MLLT3: variants seen among roughly 807,000 people sequenced by gnomAD.
The protein encoded by MLLT3 is MLLT3 super elongation complex subunit.
A neutral mutation model predicts 53.2 loss-of-function variants in MLLT3; 4 were observed. That is an observed-to-expected ratio of 0.08 (90% CI 0.04 to 0.17). The LOEUF (loss-of-function observed/expected upper bound fraction) is 0.17, where lower values mean the gene tolerates loss of function less well. Among genes scored for constraint, MLLT3 ranks in the 10% least tolerant of loss-of-function variants. The probability of loss-of-function intolerance (pLI) is 1.00; values close to 1 mark genes in which losing one functional copy is unlikely to be tolerated. For missense variants in MLLT3, 569 were observed against 684.0 expected (o/e 0.83, Z 1.87); for synonymous variants, 283 against 230.6 (o/e 1.23, Z -2.06).
rs138694610 is a variant in MLLT3, at chr9:20,483,132, T to C, written c.194-26346A>G. The stretch of plus-strand genomic sequence containing the variant: ...TGAATCATTTCAGACTCTTAAAAGC[T>C]AACTAGAAATCCCACACCCAGTAAT... On this transcript the variant is annotated intron_variant, in intron 2 of 10. Coordinates refer to ENST00000380338, the MANE Select transcript of MLLT3 (RefSeq NM_004529.4). Among the ~76,000 whole-genome samples the C allele has an allele frequency of 4.5e-3, 678 of 152,230 alleles. 2 individuals are homozygous for C. The highest frequency in any genetic ancestry group is 0.015 in the African/African-American group (634 of 41,538).
chr9:20,459,709 A>G (rs1182244328), intron 2 of MLLT3, among the ~76,000 whole-genome samples: 2 of 152,184 alleles, frequency 1.3e-5, no homozygotes, highest in Non-Finnish European at 2.9e-5. Context: ...TTATCGTTGA[A>G]TATCTTTGGA....
At position 20,384,098 on chromosome 9, in the gene MLLT3, T is replaced by A. The variant is rs1156987155; in HGVS notation, c.1126-18354A>T. Among the ~76,000 whole-genome samples the A allele has an allele frequency of 3.9e-5, 6 of 152,034 alleles. No homozygotes were observed. In the East Asian group the frequency reaches 1.2e-3, roughly 29 times the overall value. ...GATCCACTTAAAGAAAATAATAATA[T>A]CATGATACTGTTCTTAACAGTTCAT... On this transcript the variant is annotated intron_variant, in intron 5 of 10. Coordinates refer to ENST00000380338, the MANE Select transcript of MLLT3 (RefSeq NM_004529.4).
intron 4 of MLLT3, among the ~76,000 whole-genome samples, chr9:20,445,200 A>G (rs1823663841): frequency 1.3e-5 from 2 of 152,178 alleles, no homozygotes; most frequent in South Asian, 2.1e-4. Flanking sequence ...ACGGTCCTAT[A>G]AAGTAAATCA....
intron 2 of MLLT3, among the ~76,000 whole-genome samples, chr9:20,508,247 C>T (rs1476105580): frequency 6.6e-6 from 1 of 152,112 alleles, no homozygotes; most frequent in Non-Finnish European, 1.5e-5. Context: ...ACAACAGATC[C>T]ATTCCCTTAC....
At position 20,620,511 on chromosome 9, in the gene MLLT3, C is replaced by T; in HGVS notation, c.193+143G>A. ...GGCAGGCGGGAGCCGGGACCTGGCC[C>T]GCGCGGCGCCGCGCACCCGGATCCC... On this transcript the variant is annotated intron_variant, in intron 2 of 10. Coordinates refer to ENST00000380338, the MANE Select transcript of MLLT3 (RefSeq NM_004529.4). This position sits in a 1 kb window ranked among gnomAD's most constrained non-coding sequence, Gnocchi z 6.1. 2.1e-6 allele frequency: 1 copy of T among 468,828 alleles called. No individual in the cohort carries two copies. Among genetic ancestry groups the T allele is most frequent in the Non-Finnish European group, 3.1e-6 (1 of 322,516 alleles). 29.0% of individuals were successfully genotyped at this position (468,828 alleles called of 1,614,324 possible). A position where few individuals can be genotyped will look rare whatever the true frequency, so the allele number is the denominator to read the frequency against.
chr9:20,347,651 T>G (rs547699506), intron 10 of MLLT3, among the ~76,000 whole-genome samples: 8 of 152,272 alleles, frequency 5.3e-5, no homozygotes, highest in Non-Finnish European at 7.4e-5. Flanking sequence ...ATCTGGGCAG[T>G]GTATTGGGCA....
At chr9:20,366,069 C>CT (rs1821442620) in intron 5 of MLLT3, among the ~76,000 whole-genome samples, 1 of 152,140 alleles carries the variant, frequency 6.6e-6, no homozygotes, top group African/African-American at 2.4e-5. Context: ...CTTTATTATA[C>CT]TTTAAGTTTT....
intron 2 of MLLT3, among the ~76,000 whole-genome samples, chr9:20,493,491 T>A (rs537472103): frequency 6.6e-6 from 1 of 151,994 alleles, no homozygotes; most frequent in African/African-American, 2.4e-5. Context: ...AGGTTTCCTA[T>A]AAGAATGTAA....
chr9:20,443,435 T>C (rs1586952855), intron 4 of MLLT3, among the ~76,000 whole-genome samples: 2 of 152,184 alleles, frequency 1.3e-5, no homozygotes, highest in African/African-American at 4.8e-5. Flanking sequence ...TAAGAATCCA[T>C]TTTTCTAATG....
chr9:20,400,738 A>C (rs1822434418), intron 5 of MLLT3, among the ~76,000 whole-genome samples: 1 of 142,480 alleles, frequency 7.0e-6, no homozygotes, highest in African/African-American at 2.9e-5. Context: ...TTACAAAAAG[A>C]AAAAAAAAAC....
At chr9:20,604,258 C>T (rs1313143386) in intron 2 of MLLT3, among the ~76,000 whole-genome samples, 1 of 152,060 alleles carries the variant, frequency 6.6e-6, no homozygotes, top group Non-Finnish European at 1.5e-5. Context: ...TATTCTAACT[C>T]TACACTTATC....
At chr9:20,347,973 C>T (rs1311959808) in intron 10 of MLLT3, among the ~76,000 whole-genome samples, 2 of 152,182 alleles carry the variant, frequency 1.3e-5, no homozygotes, top group Non-Finnish European at 2.9e-5. Context: ...GAACTACTCC[C>T]TATAGGTCAG....
rs978059051 is a variant in MLLT3 at position 20,345,586 on chromosome 9, A to G, written c.*857T>C. 3.4e-5 allele frequency: 7 copies of G among 205,784 alleles called. No homozygotes were observed. The East Asian group carries it at 5.2e-4, about 15-fold the overall frequency. The allele number at this position is 205,784 out of a possible 1,614,324, so 12.7% of individuals were successfully genotyped here. On this transcript the variant is annotated 3_prime_UTR_variant, in exon 11 of 11. Coordinates refer to ENST00000380338, the MANE Select transcript of MLLT3 (RefSeq NM_004529.4). ...TAAAACAGACACAAGAATGTTGATGACAGCTCAACAATGCTGGATTCAGGA... is the reference window on the plus strand; with the variant it reads ...TAAAACAGACACAAGAATGTTGATGGCAGCTCAACAATGCTGGATTCAGGA...
At chr9:20,413,150 AC>A (rs1467680319) in intron 5 of MLLT3, among the ~76,000 whole-genome samples, 1 of 152,224 alleles carries the variant, frequency 6.6e-6, no homozygotes, top group Non-Finnish European at 1.5e-5. Context: ...GCCTGGTTTT[AC>A]AGGTATACAC....
At chr9:20,540,750 A>G (rs1339890154) in intron 2 of MLLT3, among the ~76,000 whole-genome samples, 1 of 152,162 alleles carries the variant, frequency 6.6e-6, no homozygotes, top group Non-Finnish European at 1.5e-5. Flanking sequence ...ATTTTCCCTA[A>G]TGTCTTGGCT....
chr9:20,588,827 T>A (rs1368759955), intron 2 of MLLT3, among the ~76,000 whole-genome samples: 2 of 152,040 alleles, frequency 1.3e-5, no homozygotes, highest in African/African-American at 4.8e-5. Context: ...AACAAACACA[T>A]GAAAAAATGC....
At chr9:20,598,287 T>C (rs1489525925) in intron 2 of MLLT3, among the ~76,000 whole-genome samples, 1 of 152,248 alleles carries the variant, frequency 6.6e-6, no homozygotes, top group Non-Finnish European at 1.5e-5. Context: ...TACCACTTTA[T>C]GTTCCCAAAA....
intron 7 of MLLT3, 103 bp downstream of exon 7, chr9:20,363,373 T>G (rs1821372029): frequency 1.5e-6 from 2 of 1,370,882 alleles, no homozygotes. Context: ...GACCATCTAC[T>G]GCCGTTTTTG....
At chr9:20,567,893 C>A (rs1819422559) in intron 2 of MLLT3, among the ~76,000 whole-genome samples, 1 of 152,114 alleles carries the variant, frequency 6.6e-6, no homozygotes, top group South Asian at 2.1e-4. Context: ...GTTTCAAGAA[C>A]TCTTCTCTCT....
Sources: allele counts gnomAD v4.1 joint callset (sites outside exome capture counted in the v4.1 genomes callset), GRCh38; gene constraint gnomAD v4.1.1; non-coding constraint Gnocchi (gnomAD v3.1); transcripts MANE v1.5; gene names NCBI Gene and HGNC (gene_info 2026-07-23, HGNC 2026-07-21).